MRS2: variants seen among roughly 807,000 people sequenced by gnomAD.
The protein encoded by MRS2 is magnesium transporter MRS2, also known as magnesium transporter MRS2 homolog, mitochondrial.
Under a neutral mutation model 52.6 loss-of-function variants are expected in MRS2, and 40 were observed. The observed-to-expected ratio is 0.76, with a 90% CI of 0.59 to 0.99. The LOEUF is 0.99. MRS2 is among the 50% of genes least tolerant of loss of function. The probability of loss-of-function intolerance (pLI) is 0.00; values close to 1 mark genes in which losing one functional copy is unlikely to be tolerated. For synonymous variants in MRS2, 193 were observed against 195.9 expected (o/e 0.98, Z 0.13); for missense variants, 472 against 532.7 (o/e 0.89, Z 1.12).
At chr6:24,405,813 A>G (rs1761452951) in intron 2 of MRS2, among the ~76,000 whole-genome samples, 1 of 150,950 alleles carries the variant, frequency 6.6e-6, no homozygotes, top group African/African-American at 2.4e-5. Context: ...GTCTTGATAA[A>G]AAGGTGTGCC....
intron 1 of MRS2, among the ~76,000 whole-genome samples, chr6:24,404,464 A>G (rs182964187): frequency 2.1e-4 from 32 of 152,294 alleles, no homozygotes; most frequent in Admixed American, 1.4e-3. Flanking sequence ...AAAGATCAGA[A>G]ATAGGTTTTT....
rs540002211 is a variant in MRS2, at chr6:24,407,761, G to A, written c.265-647G>A. ...TCCCAGTCTACTCAGAAGGATAAGG[G>A]ACAGGAGAAACAACAGGGTAGTGTT... On this transcript the variant is annotated intron_variant, in intron 2 of 10. Coordinates refer to ENST00000378386, the MANE Select transcript of MRS2 (RefSeq NM_020662.4). 1.9e-4 allele frequency among the ~76,000 whole-genome samples: 29 copies of A among 152,268 alleles called. No homozygotes were observed. The South Asian group carries it at 5.8e-3, about 30-fold the overall frequency.
intron 2 of MRS2, among the ~76,000 whole-genome samples, chr6:24,405,832 G>A (rs1309905146): frequency 3.3e-5 from 5 of 150,374 alleles, no homozygotes; most frequent in Admixed American, 2.0e-4. Flanking sequence ...CCGGCCGGGC[G>A]TGGTGGCTCA....
intron 9 of MRS2, among the ~76,000 whole-genome samples, chr6:24,420,590 CA>C (rs754068943): frequency 1.4e-4 from 21 of 152,034 alleles, no homozygotes; most frequent in Non-Finnish European, 2.8e-4. Flanking sequence ...CATAAACAAA[CA>C]AAGTATGTTA....
At position 24,408,303 on chromosome 6, in the gene MRS2, G is replaced by A. The variant is rs1761540767; in HGVS notation, c.265-105G>A. 1.1e-5 allele frequency: 8 copies of A among 710,450 alleles called. No homozygotes were observed. The South Asian group carries it at 1.3e-4, about 11-fold the overall frequency. The allele number at this position is 710,450 out of a possible 1,614,324, so 44.0% of individuals were successfully genotyped here. On this transcript the variant is annotated intron_variant, in intron 2 of 10. Transcript: ENST00000378386. The stretch of plus-strand genomic sequence containing the variant: ...TTTATATTTGCATTTCAACATTTTG[G>A]GGATATTACTTACAATACCATAAAT...
rs189465143 is a variant in MRS2 at position 24,421,026 on chromosome 6, A to G, written c.1108-1911A>G. Among the ~76,000 whole-genome samples the G allele has an allele frequency of 5.3e-5, 8 of 152,312 alleles. No homozygotes were observed. In the East Asian group the frequency reaches 1.5e-3, roughly 29 times the overall value. On this transcript the variant is annotated intron_variant, in intron 9 of 10. Coordinates refer to ENST00000378386, the MANE Select transcript of MRS2 (RefSeq NM_020662.4). ...ATACCTTGTGCAACATAATCCAGCCATTGACATTCTCAAAAGATACATCCA... is the reference window on the plus strand; with the variant it reads ...ATACCTTGTGCAACATAATCCAGCCGTTGACATTCTCAAAAGATACATCCA...
Position 24,425,236 on chromosome 6 carries a change from A to G in MRS2, c.*1542A>G, listed in dbSNP as rs1265267425. Reference sequence around the variant, plus strand: ...TTTGGGTCGTATCACTGTAAAATACATAATAAGTACTACTTAACTGTGACA... The same window carrying G: ...TTTGGGTCGTATCACTGTAAAATACGTAATAAGTACTACTTAACTGTGACA... On this transcript the variant is annotated 3_prime_UTR_variant, in exon 11 of 11. Transcript: ENST00000378386. The G allele has an allele frequency of 1.3e-5, 2 of 152,256 alleles. No individual in the cohort carries two copies. The highest frequency in any genetic ancestry group is 6.5e-5 in the Admixed American group (1 of 15,284). 9.4% of individuals were successfully genotyped at this position (152,256 alleles called of 1,614,324 possible).
chr6:24,416,706 C>T (rs1761864263), intron 7 of MRS2, among the ~76,000 whole-genome samples, 193 bp downstream of exon 7: 1 of 152,136 alleles, frequency 6.6e-6, no homozygotes, highest in Admixed American at 6.5e-5. Flanking sequence ...AGTATGCATA[C>T]TGCATACCCA....
chr6:24,421,721 T>C (rs1423185557), intron 9 of MRS2, among the ~76,000 whole-genome samples: 1 of 152,226 alleles, frequency 6.6e-6, no homozygotes, highest in Non-Finnish European at 1.5e-5. Context: ...ATGGACATCC[T>C]CTTACATAAC....
intron 2 of MRS2, among the ~76,000 whole-genome samples, chr6:24,407,524 AT>A (rs1761518076): frequency 6.6e-6 from 1 of 152,222 alleles, no homozygotes; most frequent in Admixed American, 6.5e-5. Flanking sequence ...ATAGTGATTC[AT>A]TAAATGTTTC....
Position 24,403,010 on chromosome 6 carries a change from T to TG in MRS2, c.-33dup, listed in dbSNP as rs1561803291. 2 of 1,541,788 alleles carry TG rather than the reference T, an allele frequency of 1.3e-6. No homozygotes were observed. Among genetic ancestry groups the TG allele is most frequent in the African/African-American group, 1.4e-5 (1 of 72,890 alleles). Reference sequence around the variant, plus strand: ...GCAGCCAGCGTCCGGCATGAAGGTCTGGGGTCTGGCTGCTGCCTGCTTCTT... The same window carrying TG: ...GCAGCCAGCGTCCGGCATGAAGGTCTGGGGGTCTGGCTGCTGCCTGCTTCTT... On this transcript the variant is annotated 5_prime_UTR_variant, in exon 1 of 11. Transcript: ENST00000378386.
chr6:24,419,295 T>C (rs1416025243), intron 9 of MRS2: 2 of 150,310 alleles, frequency 1.3e-5, no homozygotes, highest in Non-Finnish European at 3.0e-5. Context: ...TGAAATAAAA[T>C]ATATAATGTA....
intron 2 of MRS2, among the ~76,000 whole-genome samples, chr6:24,405,574 A>G (rs549900665): frequency 5.9e-5 from 9 of 151,660 alleles, no homozygotes; most frequent in South Asian, 4.2e-4. Flanking sequence ...TTAAAAATGC[A>G]TGCTTTGAAA....
intron 4 of MRS2, among the ~76,000 whole-genome samples, chr6:24,411,773 A>G (rs898652974): frequency 6.6e-6 from 1 of 151,624 alleles, no homozygotes; most frequent in African/African-American, 2.4e-5. Context: ...TCTTGACCTC[A>G]TGATCCACCT....
intron 10 of MRS2, 88 bp downstream of exon 10, chr6:24,423,138 G>T: frequency 9.8e-7 from 1 of 1,019,478 alleles, no homozygotes; most frequent in Non-Finnish European, 1.5e-6. Flanking sequence ...AGTTGTCACA[G>T]GCACTATGGC....
At position 24,425,536 on chromosome 6, in the gene MRS2, T is replaced by A. The variant is rs1230694309; in HGVS notation, c.*1842T>A. 6.6e-6 allele frequency: 1 copy of A among 152,266 alleles called. No individual in the cohort carries two copies. The highest frequency in any genetic ancestry group is 1.5e-5 in the Non-Finnish European group (1 of 68,046). The allele number at this position is 152,266 out of a possible 1,614,324, so 9.4% of individuals were successfully genotyped here. On this transcript the variant is annotated 3_prime_UTR_variant, in exon 11 of 11. Coordinates refer to ENST00000378386, the MANE Select transcript of MRS2 (RefSeq NM_020662.4). Reference sequence around the variant, plus strand: ...TAGTTCCACTTTTGTGATTGCAGGATGCTTCTTATACTAAAGTTCTCATAA... The same window carrying A: ...TAGTTCCACTTTTGTGATTGCAGGAAGCTTCTTATACTAAAGTTCTCATAA...
At chr6:24,420,417 T>G (rs1362412853) in intron 9 of MRS2, among the ~76,000 whole-genome samples, 1 of 152,210 alleles carries the variant, frequency 6.6e-6, no homozygotes, top group Non-Finnish European at 1.5e-5. Context: ...AAAGACAGTA[T>G]TAGTCATTTT....
At chr6:24,422,112 T>A (rs1328563913) in intron 9 of MRS2, among the ~76,000 whole-genome samples, 1 of 152,164 alleles carries the variant, frequency 6.6e-6, no homozygotes, top group Non-Finnish European at 1.5e-5. Context: ...ATTGAGCCAC[T>A]GGACTCCATC....
At position 24,413,991 on chromosome 6, in the gene MRS2, GTTTTTA is replaced by G. The variant is rs531245345; in HGVS notation, c.589-1037_589-1032del. Among the ~76,000 whole-genome samples the G allele has an allele frequency of 2.7e-3, 415 of 152,272 alleles. 3 individuals are homozygous for G. Among genetic ancestry groups the G allele is most frequent in the African/African-American group, 9.7e-3 (402 of 41,568 alleles). On this transcript the variant is annotated intron_variant, in intron 5 of 10. Transcript: ENST00000378386. Reference sequence around the variant, plus strand: ...GATATGTTTATGTTTTAAAGCTCAAGTTTTTATTTTCAAAGAGCTTTGTAGGAATTT... The same window carrying G: ...GATATGTTTATGTTTTAAAGCTCAAGTTTTCAAAGAGCTTTGTAGGAATTT...
Sources: gnomAD v4.1 joint callset for allele counts (sites outside exome capture counted in the v4.1 genomes callset) on GRCh38, gnomAD v4.1.1 for gene constraint, MANE v1.5 for transcripts, NCBI Gene and HGNC (gene_info 2026-07-23, HGNC 2026-07-21) for gene names.